USH2A: variants seen among roughly 807,000 people sequenced by gnomAD.
USH2A encodes Usher syndrome 2A (autosomal recessive, mild).
In USH2A, 443 loss-of-function variants were observed where a neutral mutation model predicts 538.9. That is an observed-to-expected ratio of 0.82 (90% CI 0.76 to 0.89). The LOEUF (loss-of-function observed/expected upper bound fraction) is 0.89. Among genes scored for constraint, USH2A ranks in the 40% least tolerant of loss-of-function variants. USH2A has a pLI of 0.00. For missense variants in USH2A, 6,633 were observed against 6,324.8 expected (o/e 1.05, Z -1.65); for synonymous variants, 2,413 against 2,273.5 (o/e 1.06, Z -1.75).
At chr1:216,305,890 G>C (rs920278091) in intron 9 of USH2A, among the ~76,000 whole-genome samples, 9 of 152,138 alleles carry the variant, frequency 5.9e-5, no homozygotes, top group African/African-American at 2.2e-4. Flanking sequence ...CTGTTAATCT[G>C]ACAGGTTTTC....
rs116762528 is a variant in USH2A, at chr1:216,363,293, T to A, written c.784+1660A>T. Among the ~76,000 whole-genome samples the A allele has an allele frequency of 5.3e-3, 801 of 152,236 alleles. 4 individuals are homozygous for A. Among genetic ancestry groups the A allele is most frequent in the Non-Finnish European group, 8.7e-3 (590 of 68,016 alleles). On this transcript the variant is annotated intron_variant, in intron 4 of 71. Coordinates refer to ENST00000307340, the MANE Select transcript of USH2A (RefSeq NM_206933.4). ...ATGCCAGGTGCTTGAAACACAGTAA[T>A]GTTTTACATGACATTGCTTCATTTG...
At chr1:215,959,685 T>A (rs553986) in intron 37 of USH2A, among the ~76,000 whole-genome samples, 35,916 of 152,078 alleles carry the variant, frequency 0.24, 4,772 homozygotes, top group Non-Finnish European at 0.3. Flanking sequence ...CATATCTCTC[T>A]TTTTCAAATA....
chr1:216,123,306 T>G (rs2033173438), intron 21 of USH2A, among the ~76,000 whole-genome samples: 1 of 152,210 alleles, frequency 6.6e-6, no homozygotes, highest in Non-Finnish European at 1.5e-5. Context: ...AGTTGTTGTT[T>G]AAACATATTA....
At chr1:216,061,189 T>C (rs2031167956) in intron 30 of USH2A, among the ~76,000 whole-genome samples, 1 of 152,218 alleles carries the variant, frequency 6.6e-6, no homozygotes, top group African/African-American at 2.4e-5. Flanking sequence ...AATCCTCTGA[T>C]AGACAAATTC....
chr1:216,059,042 A>G (rs2031082389), intron 30 of USH2A, among the ~76,000 whole-genome samples: 1 of 152,178 alleles, frequency 6.6e-6, no homozygotes, highest in East Asian at 1.9e-4. Flanking sequence ...AATAGAAAAA[A>G]AAATTTCACG....
At chr1:216,069,320 A>G (rs1488492832) in intron 30 of USH2A, among the ~76,000 whole-genome samples, 1 of 152,144 alleles carries the variant, frequency 6.6e-6, no homozygotes, top group Non-Finnish European at 1.5e-5. Context: ...GAAGGAAGTA[A>G]AGTCTTGAGG....
chr1:216,323,574 G>A lies in USH2A; in HGVS notation c.1450C>T (p.Gln484Ter), dbSNP rs766370703. The A allele has an allele frequency of 6.2e-7, 1 of 1,613,514 alleles. No homozygotes were observed. Among genetic ancestry groups the A allele is most frequent in the Non-Finnish European group, 8.5e-7 (1 of 1,179,750 alleles). The change falls in exon 8 of 72, where the codon CAA (glutamine) becomes TAA (stop). Residue 484 changes from glutamine (Q) to a stop codon, truncating the protein, a stop_gained. Coordinates refer to ENST00000307340, the MANE Select transcript of USH2A (RefSeq NM_206933.4). LOFTEE classifies it high-confidence loss of function. ...PSLQEFVKAT[Q>*]IRFHFHGQYY... ...TGCCCATGAAAATGAAACCTTATTT[G>A]CGTGGCTTTTACGAACTCTTGAAGA...
chr1:215,802,955 C>T (rs1330542376), intron 49 of USH2A, among the ~76,000 whole-genome samples: 5 of 152,184 alleles, frequency 3.3e-5, no homozygotes, highest in African/African-American at 9.6e-5. Flanking sequence ...AATCCTGACA[C>T]GTACGACAAC....
At chr1:216,036,215 G>A (rs2029946868) in intron 32 of USH2A, among the ~76,000 whole-genome samples, 1 of 152,056 alleles carries the variant, frequency 6.6e-6, no homozygotes. Context: ...TCAGGTTCCC[G>A]AAATTTCTTT....
intron 38 of USH2A, among the ~76,000 whole-genome samples, chr1:215,906,491 T>G (rs567949807): frequency 6.6e-6 from 1 of 152,140 alleles, no homozygotes; most frequent in Non-Finnish European, 1.5e-5. Context: ...CTCTTAATTT[T>G]ACACCCTGAA....
intron 15 of USH2A, among the ~76,000 whole-genome samples, chr1:216,216,754 A>G (rs2035349966): frequency 6.6e-6 from 1 of 152,160 alleles, no homozygotes; most frequent in Admixed American, 6.6e-5. Context: ...AAAAGTCAAA[A>G]GATACTTACA....
intron 13 of USH2A, among the ~76,000 whole-genome samples, chr1:216,234,721 G>T (rs114762274): frequency 1.1e-3 from 166 of 152,184 alleles, no homozygotes; most frequent in African/African-American, 3.7e-3. Flanking sequence ...AAGCCACAGA[G>T]AATTTGGAAA....
At chr1:215,680,014 T>C in intron 62 of USH2A, 135 bp downstream of exon 62, 3 of 844,390 alleles carry the variant, frequency 3.6e-6, no homozygotes, top group Non-Finnish European at 5.9e-6. Context: ...TATGATTAAG[T>C]GCCTGGAGGA....
intron 44 of USH2A, among the ~76,000 whole-genome samples, chr1:215,849,924 A>G (rs77646504): frequency 0.047 from 7,162 of 152,176 alleles, 272 homozygotes; most frequent in South Asian, 0.14. Context: ...GAATGTGCAA[A>G]GATGAGAGAA....
intron 11 of USH2A, among the ~76,000 whole-genome samples, chr1:216,272,774 T>A (rs1442425743): frequency 3.3e-5 from 5 of 152,106 alleles, no homozygotes; most frequent in African/African-American, 1.2e-4. Context: ...AGGATAGACA[T>A]TGATTGGCAA....
intron 21 of USH2A, among the ~76,000 whole-genome samples, chr1:216,162,669 C>A (rs1371757151): frequency 1.3e-5 from 2 of 152,064 alleles, no homozygotes; most frequent in African/African-American, 2.4e-5. Context: ...TAAAGAATAG[C>A]CCTTATTCCT....
At chr1:215,833,222 G>A (rs1384121799) in intron 47 of USH2A, among the ~76,000 whole-genome samples, 2 of 151,756 alleles carry the variant, frequency 1.3e-5, no homozygotes, top group Non-Finnish European at 3.0e-5. Context: ...TATATGGACA[G>A]GCAAAGTAGT....
At chr1:216,181,834 CT>C (rs2034499613) in intron 20 of USH2A, among the ~76,000 whole-genome samples, 1 of 152,066 alleles carries the variant, frequency 6.6e-6, no homozygotes, top group African/African-American at 2.4e-5. Flanking sequence ...ATTTTCAAGT[CT>C]CCTGCAGCAC....
chr1:216,194,949 T>C (rs1013900238), intron 19 of USH2A, among the ~76,000 whole-genome samples: 3 of 151,906 alleles, frequency 2.0e-5, no homozygotes, highest in South Asian at 2.1e-4. Flanking sequence ...GTAAGCATTG[T>C]GGGAAAAAAT....
Sources: gnomAD v4.1 joint callset for allele counts (sites outside exome capture counted in the v4.1 genomes callset) on GRCh38, gnomAD v4.1.1 for gene constraint, MANE v1.5 for transcripts, NCBI Gene and HGNC (gene_info 2026-07-23, HGNC 2026-07-21) for gene names.